Variants in TMEM74 observed in about 807,000 individuals in gnomAD.
The protein encoded by TMEM74 is transmembrane protein 74.
TMEM74 carries 13 observed loss-of-function variants against 18.1 expected under a neutral mutation model. The ratio of observed to expected loss-of-function variants is 0.72; its 90% confidence interval spans 0.47 to 1.14. TMEM74 has a LOEUF of 1.14. Ranked by LOEUF, TMEM74 falls within the 50% of genes most tolerant of loss-of-function variation. The pLI is 0.00. For synonymous variants in TMEM74, 159 were observed against 146.6 expected (o/e 1.08, Z -0.61); for missense variants, 372 against 375.9 (o/e 0.99, Z 0.09).
At chr8:108,760,149 G>GGAGA (rs72281415) in intron 1 of TMEM74, among the ~76,000 whole-genome samples, 4,056 of 143,920 alleles carry the variant, frequency 0.028, 192 homozygotes, top group African/African-American at 0.097. Flanking sequence ...CTGCAGACTG[G>GGAGA]GAGAGAGAGA....
At chr8:108,742,681 A>G (rs1327511986) in intron 1 of TMEM74, among the ~76,000 whole-genome samples, 1 of 152,222 alleles carries the variant, frequency 6.6e-6, no homozygotes, top group African/African-American at 2.4e-5. Flanking sequence ...TATAGTAGAA[A>G]GTGTTCTGGA....
chr8:108,754,491 C>T (rs939951584), intron 1 of TMEM74, among the ~76,000 whole-genome samples: 1 of 151,738 alleles, frequency 6.6e-6, no homozygotes, highest in African/African-American at 2.4e-5. Flanking sequence ...ATATGGCAAA[C>T]ATGATAGGAT....
intron 2 of TMEM74, among the ~76,000 whole-genome samples, chr8:108,643,767 A>C (rs1467291198): frequency 6.6e-6 from 1 of 151,956 alleles, no homozygotes; most frequent in Non-Finnish European, 1.5e-5. Context: ...AAGAAAAAAA[A>C]AACAACCTAG....
chr8:108,714,763 A>T (rs1296783576), intron 1 of TMEM74, among the ~76,000 whole-genome samples: 2 of 152,180 alleles, frequency 1.3e-5, no homozygotes, highest in Non-Finnish European at 2.9e-5. Flanking sequence ...TAGCAAACAC[A>T]TGGACTCAAC....
At chr8:108,711,686 G>A (rs900761540) in intron 1 of TMEM74, among the ~76,000 whole-genome samples, 6 of 152,196 alleles carry the variant, frequency 3.9e-5, no homozygotes, top group Non-Finnish European at 8.8e-5. Flanking sequence ...CTCTAGGCAT[G>A]GATCTGCCTT....
chr8:108,652,509 C>A, intron 2 of TMEM74: 2 of 429,026 alleles, frequency 4.7e-6, no homozygotes, highest in South Asian at 2.8e-5. Context: ...AGGGAGAGAC[C>A]CTGACCACCA....
chr8:108,631,747 G>A (rs930720993), intron 2 of TMEM74, among the ~76,000 whole-genome samples: 1 of 151,894 alleles, frequency 6.6e-6, no homozygotes, highest in Non-Finnish European at 1.5e-5. Flanking sequence ...CTTTTGTTGC[G>A]ATTGCTTCTG....
intron 1 of TMEM74, among the ~76,000 whole-genome samples, chr8:108,716,428 G>T (rs891165630): frequency 2.6e-5 from 4 of 152,018 alleles, no homozygotes; most frequent in African/African-American, 9.7e-5. Context: ...AGGGGCAAAT[G>T]AGATATTAAA....
chr8:108,721,784 G>C (rs1813589342), intron 1 of TMEM74, among the ~76,000 whole-genome samples: 2 of 152,144 alleles, frequency 1.3e-5, no homozygotes, highest in South Asian at 4.1e-4. Flanking sequence ...AGATTTCTTT[G>C]CAATTCTTCC....
intron 1 of TMEM74, among the ~76,000 whole-genome samples, chr8:108,751,293 C>T (rs531400251): frequency 5.9e-5 from 9 of 152,158 alleles, no homozygotes; most frequent in African/African-American, 1.4e-4. Flanking sequence ...AGGGAGAGGC[C>T]GAGGTCCAGT....
chr8:108,712,394 T>A (rs1032892821), intron 1 of TMEM74, among the ~76,000 whole-genome samples: 2 of 152,192 alleles, frequency 1.3e-5, no homozygotes, highest in African/African-American at 4.8e-5. Context: ...TGTCAGTTGA[T>A]TCATGTATGA....
intron 1 of TMEM74, among the ~76,000 whole-genome samples, chr8:108,728,147 G>T (rs1230349581): frequency 6.6e-6 from 1 of 152,172 alleles, no homozygotes; most frequent in Non-Finnish European, 1.5e-5. Context: ...AAGGAGTTTT[G>T]CTGCAAATGG....
chr8:108,733,969 G>A (rs1255503270), intron 1 of TMEM74, among the ~76,000 whole-genome samples: 2 of 152,102 alleles, frequency 1.3e-5, no homozygotes, highest in Non-Finnish European at 2.9e-5. Flanking sequence ...CACTCTTCTC[G>A]TGATGGTTAA....
chr8:108,765,950 T>G (rs911413243), intron 1 of TMEM74, among the ~76,000 whole-genome samples: 12 of 152,124 alleles, frequency 7.9e-5, no homozygotes, highest in African/African-American at 2.7e-4. Context: ...AGAACCAAAC[T>G]GTTTTGTTCA....
intron 1 of TMEM74, among the ~76,000 whole-genome samples, chr8:108,693,908 T>C (rs1183900660): frequency 1.3e-5 from 2 of 152,256 alleles, no homozygotes; most frequent in African/African-American, 4.8e-5. Flanking sequence ...CAGTTTGGCA[T>C]CTATAAACTT....
At chr8:108,706,352 C>G (rs776891685) in intron 1 of TMEM74, among the ~76,000 whole-genome samples, 1 of 152,160 alleles carries the variant, frequency 6.6e-6, no homozygotes, top group Non-Finnish European at 1.5e-5. Flanking sequence ...ATACCTATGA[C>G]ACACACTCAA....
At chr8:108,647,948 A>C (rs1205187350) in intron 2 of TMEM74, among the ~76,000 whole-genome samples, 1 of 152,146 alleles carries the variant, frequency 6.6e-6, no homozygotes, top group Non-Finnish European at 1.5e-5. Context: ...AAAGGGGTAA[A>C]CAATTTGGCC....
intron 1 of TMEM74, among the ~76,000 whole-genome samples, chr8:108,680,628 C>T (rs1292804696): frequency 2.6e-5 from 4 of 152,166 alleles, no homozygotes; most frequent in Admixed American, 6.5e-5. Context: ...CCCTCTCTCA[C>T]CACTCCTATT....
At chr8:108,694,018 A>G (rs1471926145) in intron 1 of TMEM74, among the ~76,000 whole-genome samples, 1 of 152,246 alleles carries the variant, frequency 6.6e-6, no homozygotes, top group Non-Finnish European at 1.5e-5. Context: ...TAAACATTTT[A>G]TTTGTATAAA....
Sources: allele counts gnomAD v4.1 joint callset (sites outside exome capture counted in the v4.1 genomes callset), GRCh38; gene constraint gnomAD v4.1.1; transcripts MANE v1.5; gene names NCBI Gene and HGNC (gene_info 2026-07-23, HGNC 2026-07-21).